The following TOM1L1 variants were observed in gnomAD, a reference collection of about 807,000 sequenced individuals.
TOM1L1 encodes TOM1-like protein 1.
Under a neutral mutation model 63.4 loss-of-function variants are expected in TOM1L1, and 64 were observed. That is an observed-to-expected ratio of 1.01 (90% confidence interval 0.83 to 1.24). The LOEUF (loss-of-function observed/expected upper bound fraction) is 1.24, where lower values mean the gene tolerates loss of function less well. TOM1L1 is among the 50% of genes most tolerant of loss of function. The pLI is 0.00. For synonymous variants in TOM1L1, 166 were observed against 194.4 expected (o/e 0.85, Z 1.22); for missense variants, 536 against 567.0 (o/e 0.95, Z 0.55).
At chr17:54,901,980 G>C (rs2143709488) in intron 1 of TOM1L1, among the ~76,000 whole-genome samples, 1 of 152,214 alleles carries the variant, frequency 6.6e-6, no homozygotes, top group East Asian at 1.9e-4. Flanking sequence ...AACTTCAGCA[G>C]TTCTTCTGCT....
At chr17:54,955,441 T>C (rs577377253) in intron 14 of TOM1L1, among the ~76,000 whole-genome samples, 11 of 152,288 alleles carry the variant, frequency 7.2e-5, no homozygotes, top group African/African-American at 2.4e-4. Context: ...ACTGCCCCCT[T>C]TGAAACTTGG....
At chr17:54,947,977 C>A (rs879340013) in intron 12 of TOM1L1, among the ~76,000 whole-genome samples, 23 of 152,228 alleles carry the variant, frequency 1.5e-4, no homozygotes, top group Admixed American at 7.2e-4. Context: ...CCACTCTCAA[C>A]CTGCCCTTCC....
chr17:54,928,358 G>GA (rs373094723), intron 7 of TOM1L1, among the ~76,000 whole-genome samples: 1,411 of 135,138 alleles, frequency 0.01, 5 homozygotes, highest in Non-Finnish European at 0.016. Context: ...ATTATAGATG[G>GA]AAAAAAACCA....
In TOM1L1 at chr17:54,933,995, T is replaced by C. The variant is rs2048906881; in HGVS notation, c.855-2654T>C. ...CATTATTTTGAGTCTTTGATCAGCC[T>C]TTCACGGAATACACAATTTACGTGT... On this transcript the variant is annotated intron_variant, in intron 8 of 15. Coordinates refer to ENST00000575882, the MANE Select transcript of TOM1L1 (RefSeq NM_005486.3). Among the ~76,000 whole-genome samples the C allele has an allele frequency of 2.6e-5, 4 of 152,200 alleles. No homozygotes were observed. In the South Asian group the frequency reaches 8.3e-4, roughly 32 times the overall value.
rs537801661 is a variant in TOM1L1 at position 54,927,608 on chromosome 17, C to T, written c.721-2465C>T. ...TATATGGTATAAAAGGAGGCAATTC[C>T]GGGGTCTCCGTGATGGACATATGCA... On this transcript the variant is annotated intron_variant, in intron 7 of 15. Coordinates refer to ENST00000575882, the MANE Select transcript of TOM1L1 (RefSeq NM_005486.3). 2.6e-5 allele frequency among the ~76,000 whole-genome samples: 4 copies of T among 152,258 alleles called. No homozygotes were observed. The East Asian group carries it at 7.7e-4, about 29-fold the overall frequency.
At position 54,961,282 on chromosome 17, in the gene TOM1L1, C is replaced by T; in HGVS notation, c.*49C>T. ...CTACCACATCAAAGGTGCCAACTCT[C>T]TAAAACGTAGACTCTGTGCAGCTTT... On this transcript the variant is annotated 3_prime_UTR_variant, in exon 16 of 16. Transcript: ENST00000575882. The T allele has an allele frequency of 6.4e-7, 1 of 1,551,560 alleles. No individual in the cohort carries two copies. Among genetic ancestry groups the T allele is most frequent in the South Asian group, 1.2e-5 (1 of 84,046 alleles).
intron 7 of TOM1L1, among the ~76,000 whole-genome samples, chr17:54,922,331 G>A (rs2048698495): frequency 1.3e-5 from 2 of 151,994 alleles, no homozygotes; most frequent in African/African-American, 4.8e-5. Flanking sequence ...GGAAGGCTAG[G>A]CACAGTGGCT....
rs961701869 is a variant in TOM1L1 at position 54,916,228 on chromosome 17, G to A, written c.720+366G>A. 9 of 298,674 alleles carry A rather than the reference G, an allele frequency of 3.0e-5. No homozygotes were observed. In the Admixed American group the frequency reaches 3.9e-4, roughly 13 times the overall value. 18.5% of individuals were successfully genotyped at this position (298,674 alleles called of 1,614,324 possible). A position where few individuals can be genotyped will look rare whatever the true frequency, so the allele number is the denominator to read the frequency against. On this transcript the variant is annotated intron_variant, in intron 7 of 15. Transcript: ENST00000575882. ...TAGAAATGAGAAGGAGGCTATTCTAGTCCTTAAGAGTTTATGCCTAATGAG... is the reference window on the plus strand; with the variant it reads ...TAGAAATGAGAAGGAGGCTATTCTAATCCTTAAGAGTTTATGCCTAATGAG...
At chr17:54,907,962 C>T (rs35703047) in intron 3 of TOM1L1, among the ~76,000 whole-genome samples, 20,497 of 152,160 alleles carry the variant, frequency 0.13, 1,798 homozygotes, top group East Asian at 0.34. Flanking sequence ...CCTGTGACGA[C>T]GGACCAGGGA....
In TOM1L1 at chr17:54,913,869, A is replaced by G; in HGVS notation, c.494A>G (p.Gln165Arg). ...PSEAEAETAR[Q>R]ETAQISSNPP... Reference sequence around the variant, plus strand: ...GAAGCAGAGGCTGAAACAGCAAGACAAGAGGTAGGAGGCCTTTCTTTGACC... The same window carrying G: ...GAAGCAGAGGCTGAAACAGCAAGACGAGAGGTAGGAGGCCTTTCTTTGACC... The change falls in exon 5 of 16, where the codon CAA becomes CGA. Residue 165 changes from glutamine (Q) to arginine (R), a missense_variant. Transcript: ENST00000575882. 1.9e-6 allele frequency: 3 copies of G among 1,606,478 alleles called. No individual in the cohort carries two copies. The East Asian group carries it at 6.8e-5, about 36-fold the overall frequency.
At chr17:54,954,283 G>C (rs60318079) in intron 14 of TOM1L1, 44,793 of 152,050 alleles carry the variant, frequency 0.29, 6,935 homozygotes, top group African/African-American at 0.35. Context: ...TGAGAGTTAC[G>C]AACTCTCGTG....
chr17:54,957,940 T>C (rs888447288), intron 14 of TOM1L1: 2 of 152,386 alleles, frequency 1.3e-5, no homozygotes, highest in African/African-American at 4.8e-5. Context: ...GTTAATGTTA[T>C]GAAAGAATAT....
chr17:54,950,420 T>C (rs2049200685), intron 14 of TOM1L1, among the ~76,000 whole-genome samples: 2 of 152,218 alleles, frequency 1.3e-5, no homozygotes, highest in Admixed American at 1.3e-4. Flanking sequence ...TCTCTTTAGC[T>C]TGAGAAGGGT....
intron 15 of TOM1L1, 41 bp downstream of exon 15, chr17:54,960,668 A>G: frequency 7.8e-6 from 11 of 1,418,642 alleles, no homozygotes; most frequent in Non-Finnish European, 1.1e-5. Context: ...CATATTCCAT[A>G]TAATTTCAGT....
At chr17:54,905,181 G>A (rs756205108) in intron 2 of TOM1L1, among the ~76,000 whole-genome samples, 7 of 152,146 alleles carry the variant, frequency 4.6e-5, no homozygotes, top group Non-Finnish European at 8.8e-5. Context: ...CTATAAGTTG[G>A]TTCTGTGCAT....
chr17:54,934,397 C>T (rs1325978519), intron 8 of TOM1L1, among the ~76,000 whole-genome samples: 1 of 152,150 alleles, frequency 6.6e-6, no homozygotes, highest in Non-Finnish European at 1.5e-5. Context: ...CTTTTTTCAA[C>T]CTTTAATTTC....
At chr17:54,918,419 G>A (rs1361297062) in intron 7 of TOM1L1, among the ~76,000 whole-genome samples, 1 of 152,190 alleles carries the variant, frequency 6.6e-6, no homozygotes, top group Non-Finnish European at 1.5e-5. Flanking sequence ...ATGGATATGA[G>A]TTTGTGGTAT....
intron 14 of TOM1L1, among the ~76,000 whole-genome samples, chr17:54,958,702 C>T (rs1051117874): frequency 1.7e-5 from 2 of 116,946 alleles, no homozygotes; most frequent in Non-Finnish European, 3.3e-5. Flanking sequence ...TGCACTCTAG[C>T]GTGGGCAACA....
intron 7 of TOM1L1, among the ~76,000 whole-genome samples, chr17:54,922,408 AC>A (rs1179558582): frequency 2.6e-5 from 4 of 151,950 alleles, no homozygotes; most frequent in Admixed American, 6.5e-5. Context: ...GAAGTTTGAG[AC>A]CAGCCTGGGC....
Sources: gnomAD v4.1 joint callset for allele counts (sites outside exome capture counted in the v4.1 genomes callset) on GRCh38, gnomAD v4.1.1 for gene constraint, MANE v1.5 for transcripts, NCBI Gene and HGNC (gene_info 2026-07-23, HGNC 2026-07-21) for gene names.